The following TRPM3 variants were observed in gnomAD, a reference collection of about 807,000 sequenced individuals.
TRPM3 encodes transient receptor potential cation channel subfamily M member 3.
Under a neutral mutation model 181.2 loss-of-function variants are expected in TRPM3, and 77 were observed. That is an observed-to-expected ratio of 0.42 (90% CI 0.35 to 0.51). The LOEUF is 0.51. Among genes scored for constraint, TRPM3 ranks in the 20% least tolerant of loss-of-function variants. The pLI is 0.01. For synonymous variants in TRPM3, 745 were observed against 796.4 expected, an observed-to-expected ratio of 0.94 and a Z score of 1.09; for missense variants, 1,759 against 2,196.7, an observed-to-expected ratio of 0.80 and a Z score of 3.98.
At chr9:71,006,030 G>A (rs1190136022) in intron 1 of TRPM3, among the ~76,000 whole-genome samples, 2 of 152,188 alleles carry the variant, frequency 1.3e-5, no homozygotes, top group Non-Finnish European at 2.9e-5. Context: ...GTCAAAATGT[G>A]AGGAGGGGAC....
intron 10 of TRPM3, among the ~76,000 whole-genome samples, chr9:70,639,571 A>T (rs746903735): frequency 3.8e-4 from 58 of 152,126 alleles, no homozygotes; most frequent in Non-Finnish European, 4.1e-4. Context: ...CATTTTTGTT[A>T]TCCTTAGGCT....
At chr9:70,756,992 A>C (rs1467496617) in intron 8 of TRPM3, among the ~76,000 whole-genome samples, 4 of 152,106 alleles carry the variant, frequency 2.6e-5, no homozygotes, top group Non-Finnish European at 5.9e-5. Flanking sequence ...AGATCAGAGC[A>C]GAACTGAAGG....
At chr9:71,271,282 T>C (rs1487742938) in intron 1 of TRPM3, among the ~76,000 whole-genome samples, 1 of 152,118 alleles carries the variant, frequency 6.6e-6, no homozygotes, top group East Asian at 1.9e-4. Context: ...AATTTATCAT[T>C]ATTATTATTA....
At chr9:70,872,179 T>G (rs1659117320) in intron 1 of TRPM3, among the ~76,000 whole-genome samples, 1 of 151,964 alleles carries the variant, frequency 6.6e-6, no homozygotes, top group Non-Finnish European at 1.5e-5. Context: ...TATTCAACTC[T>G]TGTTGTAGCA....
intron 1 of TRPM3, among the ~76,000 whole-genome samples, chr9:71,440,450 G>T (rs914492912): frequency 2.0e-5 from 3 of 152,146 alleles, no homozygotes; most frequent in African/African-American, 7.2e-5. Context: ...TCTCAGAAAG[G>T]TATTATTGCC....
chr9:70,610,886 T>G (rs3763619), intron 18 of TRPM3, 137 bp from the exon 19 acceptor site: 547,756 of 972,366 alleles, frequency 0.56, 160,994 homozygotes, highest in Admixed American at 0.61. Flanking sequence ...AGGTTGTACC[T>G]TCCCTAAGAG....
chr9:71,055,305 G>T (rs2060533743), intron 1 of TRPM3, among the ~76,000 whole-genome samples: 1 of 152,016 alleles, frequency 6.6e-6, no homozygotes, highest in Non-Finnish European at 1.5e-5. Flanking sequence ...TAAAGATAGT[G>T]CAGTAGATAA....
chr9:70,757,648 T>A (rs2077322384), intron 8 of TRPM3, among the ~76,000 whole-genome samples: 1 of 152,164 alleles, frequency 6.6e-6, no homozygotes, highest in Non-Finnish European at 1.5e-5. Context: ...CACGATAAAG[T>A]CAGCTTCATC....
intron 1 of TRPM3, 47 bp downstream of exon 1, chr9:71,121,131 A>G (rs1483749732): frequency 1.9e-6 from 3 of 1,579,090 alleles, no homozygotes; most frequent in Non-Finnish European, 2.6e-6. Flanking sequence ...GGGTATTTAA[A>G]TCTAAAAAGC....
At chr9:70,745,259 G>T (rs1383248692) in intron 8 of TRPM3, among the ~76,000 whole-genome samples, 1 of 152,030 alleles carries the variant, frequency 6.6e-6, no homozygotes, top group Admixed American at 6.6e-5. Context: ...GCCCAGTATT[G>T]TATATTAAAT....
rs149525434 is a variant in TRPM3, at chr9:70,910,356, G to A, written c.178-45845C>T. On this transcript the variant is annotated intron_variant, in intron 1 of 25. Transcript: ENST00000677713. Reference sequence around the variant, plus strand: ...ACAAGTAAAATTAATCATGGTATTTGAAGTCAGGATATGATTATTTTGGGG... The same window carrying A: ...ACAAGTAAAATTAATCATGGTATTTAAAGTCAGGATATGATTATTTTGGGG... Among the ~76,000 whole-genome samples, 410 of 152,156 alleles carry A rather than the reference G, an allele frequency of 2.7e-3. 2 individuals carry two copies. Among genetic ancestry groups the A allele is most frequent in the African/African-American group, 9.4e-3 (390 of 41,466 alleles).
At chr9:71,415,505 T>C (rs1432869601) in intron 1 of TRPM3, among the ~76,000 whole-genome samples, 1 of 152,022 alleles carries the variant, frequency 6.6e-6, no homozygotes, top group Admixed American at 6.6e-5. Context: ...TCATACATCA[T>C]AAATAAAAGC....
At chr9:71,260,969 C>T (rs150415732) in intron 1 of TRPM3, among the ~76,000 whole-genome samples, 42 of 152,228 alleles carry the variant, frequency 2.8e-4, no homozygotes, top group African/African-American at 8.9e-4. Context: ...GTGAATCTGA[C>T]GATTATGTGT....
intron 3 of TRPM3, among the ~76,000 whole-genome samples, chr9:70,856,799 A>G (rs1167426794): frequency 6.6e-6 from 1 of 152,212 alleles, no homozygotes; most frequent in Non-Finnish European, 1.5e-5. Flanking sequence ...GGGAAAACCT[A>G]AAGAGAATTA....
intron 1 of TRPM3, among the ~76,000 whole-genome samples, chr9:71,077,121 T>C (rs916948245): frequency 6.6e-6 from 1 of 152,180 alleles, no homozygotes; most frequent in African/African-American, 2.4e-5. Context: ...TGCACTAGGA[T>C]CAACCAAATA....
At chr9:71,346,671 T>C (rs1262312171) in intron 1 of TRPM3, among the ~76,000 whole-genome samples, 3 of 152,162 alleles carry the variant, frequency 2.0e-5, no homozygotes, top group African/African-American at 7.2e-5. Context: ...TAGCCTCAGA[T>C]AAAGTAATGA....
intron 1 of TRPM3, among the ~76,000 whole-genome samples, chr9:71,177,660 C>G (rs545968858): frequency 1.7e-4 from 26 of 152,212 alleles, no homozygotes; most frequent in East Asian, 5.8e-4. Flanking sequence ...CTTAAATATT[C>G]AACTTAAAGA....
chr9:71,179,035 A>T (rs535155520), intron 1 of TRPM3, among the ~76,000 whole-genome samples: 2 of 152,304 alleles, frequency 1.3e-5, no homozygotes, highest in African/African-American at 4.8e-5. Context: ...ATGCATTACA[A>T]TGATGAACTT....
intron 1 of TRPM3, among the ~76,000 whole-genome samples, chr9:71,343,658 C>T (rs1466383155): frequency 2.0e-5 from 3 of 152,064 alleles, no homozygotes; most frequent in Non-Finnish European, 4.4e-5. Context: ...TATATTCTAT[C>T]TCTGTCCACT....
Sources: allele counts gnomAD v4.1 joint callset (sites outside exome capture counted in the v4.1 genomes callset), GRCh38; gene constraint gnomAD v4.1.1; transcripts MANE v1.5; gene names NCBI Gene and HGNC (gene_info 2026-07-23, HGNC 2026-07-21).